The following VWF variants were observed in gnomAD, a reference collection of about 807,000 sequenced individuals.
VWF encodes von Willebrand factor.
Under a neutral mutation model 308.6 loss-of-function variants are expected in VWF, and 176 were observed. The ratio of observed to expected loss-of-function variants is 0.57; its 90% CI spans 0.50 to 0.65. The LOEUF is 0.65. VWF is among the 30% of genes least tolerant of loss of function. The pLI is 0.00. For missense variants in VWF, 3,146 were observed against 3,648.2 expected (o/e 0.86, Z 3.55); for synonymous variants, 1,385 against 1,443.4 (o/e 0.96, Z 0.92).
At chr12:5,962,806 C>G (rs1024829860) in intron 47 of VWF, among the ~76,000 whole-genome samples, 2 of 152,182 alleles carry the variant, frequency 1.3e-5, no homozygotes, top group Admixed American at 1.3e-4. Flanking sequence ...GCCTCAGCCT[C>G]CCAAAGTGCT....
intron 3 of VWF, 35 bp from the exon 4 acceptor site, chr12:6,111,003 A>C: frequency 1.9e-6 from 3 of 1,546,678 alleles, no homozygotes; most frequent in Non-Finnish European, 2.7e-6. Flanking sequence ...AGTGATTATT[A>C]CTCCTCTCAA....
chr12:6,107,296 A>AT (rs1244616379), intron 5 of VWF, among the ~76,000 whole-genome samples: 1 of 152,226 alleles, frequency 6.6e-6, no homozygotes, highest in African/African-American at 2.4e-5. Flanking sequence ...GAGCATGGTG[A>AT]TTTTGAGGGT....
intron 5 of VWF, among the ~76,000 whole-genome samples, chr12:6,096,399 C>G (rs779502633): frequency 2.0e-4 from 30 of 152,208 alleles, no homozygotes; most frequent in Non-Finnish European, 4.1e-4. Context: ...GCACCCCAGC[C>G]TGTATGGGTG....
intron 6 of VWF, among the ~76,000 whole-genome samples, chr12:6,092,620 T>TGAGAGTGAGAGAGAGAGTGA (rs1250915385): frequency 1.1e-5 from 1 of 89,678 alleles, no homozygotes; most frequent in African/African-American, 6.0e-5. Flanking sequence ...TGAGTGAGAG[T>TGAGAGTGAGAGAGAGAGTGA]GTGTGTGTGT....
At chr12:6,083,277 G>C (rs1394457588) in intron 6 of VWF, among the ~76,000 whole-genome samples, 4 of 152,066 alleles carry the variant, frequency 2.6e-5, no homozygotes, top group Non-Finnish European at 5.9e-5. Flanking sequence ...GCCTCCCAAA[G>C]TACTGGGATT....
At chr12:6,009,426 A>AACACAC (rs3062550) in intron 34 of VWF, among the ~76,000 whole-genome samples, 5,504 of 146,566 alleles carry the variant, frequency 0.038, 196 homozygotes, top group East Asian at 0.21. Context: ...GCCATTATCA[A>AACACAC]ACACACACAC....
intron 6 of VWF, among the ~76,000 whole-genome samples, chr12:6,076,110 C>G (rs150322975): frequency 5.3e-5 from 8 of 152,182 alleles, no homozygotes; most frequent in Non-Finnish European, 1.0e-4. Context: ...TTGCTGGGGC[C>G]AGACGGGACC....
intron 42 of VWF, among the ~76,000 whole-genome samples, chr12:5,979,552 C>A (rs1286101131): frequency 6.6e-6 from 1 of 151,428 alleles, no homozygotes; most frequent in Non-Finnish European, 1.5e-5. Flanking sequence ...GAGATTGAGA[C>A]CATCCTGGCC....
Position 6,018,897 on chromosome 12 carries a change from G to T in VWF, c.4521C>A (p.Asp1507Glu). Reference protein sequence around the residue: ...LDVAFVLEGSDKIGEADFNRS... With the variant: ...LDVAFVLEGSEKIGEADFNRS... ...TGTTGAAGTCGGCTTCACCAATTTT[G>T]TCCGATCCTTCCAGGACGAACGCCA... Residue 1507 changes from aspartate (D) to glutamate (E), a missense_variant, in exon 28 of 52, where the codon GAC (aspartate) becomes GAA (glutamate). Around this residue, in one of 3 missense-constraint regions of VWF, gnomAD observed 853 missense variants for 1,177.8 expected, o/e 0.72. Transcript: ENST00000261405. 1 of 1,613,898 alleles carries T rather than the reference G, an allele frequency of 6.2e-7. No homozygotes were observed. Among genetic ancestry groups the T allele is most frequent in the Non-Finnish European group, 8.5e-7 (1 of 1,179,860 alleles).
intron 3 of VWF, among the ~76,000 whole-genome samples, chr12:6,119,136 G>A (rs183051941): frequency 1.3e-4 from 20 of 152,276 alleles, no homozygotes; most frequent in East Asian, 7.7e-4. Flanking sequence ...CACAGCCTGC[G>A]GAATCGACTC....
intron 3 of VWF, among the ~76,000 whole-genome samples, chr12:6,116,440 T>C (rs1015517190): frequency 6.6e-6 from 1 of 152,240 alleles, no homozygotes; most frequent in African/African-American, 2.4e-5. Flanking sequence ...CTAAACACTC[T>C]ACCTTCTATG....
At chr12:6,108,328 A>AATATAT (rs200103341) in intron 5 of VWF, among the ~76,000 whole-genome samples, 1 of 118,476 alleles carries the variant, frequency 8.4e-6, no homozygotes, top group African/African-American at 3.2e-5. Flanking sequence ...GAAAGAAAGA[A>AATATAT]ATATATACAC....
At chr12:6,038,382 A>G (rs556605961) in intron 18 of VWF, among the ~76,000 whole-genome samples, 12 of 152,300 alleles carry the variant, frequency 7.9e-5, no homozygotes, top group Non-Finnish European at 1.5e-4. Context: ...GACTCCAGGA[A>G]ACAGAGCCAG....
At chr12:5,950,850 G>A (rs1238670918) in intron 50 of VWF, among the ~76,000 whole-genome samples, 2 of 152,108 alleles carry the variant, frequency 1.3e-5, no homozygotes, top group Non-Finnish European at 2.9e-5. Context: ...TGCCTAGAGA[G>A]AATTCTTCTT....
intron 34 of VWF, among the ~76,000 whole-genome samples, chr12:6,007,173 G>C (rs961449311): frequency 6.6e-6 from 1 of 152,162 alleles, no homozygotes; most frequent in Admixed American, 6.5e-5. Context: ...AAAAAATCCA[G>C]ATAGAAGATC....
chr12:6,071,270 GA>G (rs1565852080), intron 10 of VWF, 26 bp downstream of exon 10: 1 of 1,613,716 alleles, frequency 6.2e-7, no homozygotes, highest in Non-Finnish European at 8.5e-7. Flanking sequence ...AGGGAAGGAG[GA>G]AGAGAATGAG....
At position 6,058,199 on chromosome 12, in the gene VWF, AG is replaced by A. The variant is rs11313234; in HGVS notation, c.1534-156del. ...AGGCAGCTAAGCCCTAGGCTGCAAA[AG>A]GGGGGGCGGGGGAAAGTGAACTGCA... On this transcript the variant is annotated intron_variant, in intron 13 of 51. Coordinates refer to ENST00000261405, the MANE Select transcript of VWF (RefSeq NM_000552.5). This position sits in a 1 kb window ranked among gnomAD's most constrained non-coding sequence, Gnocchi z 4.9. Among the ~76,000 whole-genome samples the A allele has an allele frequency of 0.084, 12,708 of 152,040 alleles. 597 individuals are homozygous for A. Among genetic ancestry groups the A allele is most frequent in the African/African-American group, 0.12 (5,011 of 41,488 alleles).
At chr12:6,090,019 G>T (rs948323777) in intron 6 of VWF, among the ~76,000 whole-genome samples, 2 of 152,020 alleles carry the variant, frequency 1.3e-5, no homozygotes, top group African/African-American at 4.8e-5. Flanking sequence ...GTGCAGTAGT[G>T]CAATCTCGGC....
In VWF at chr12:5,994,865, G is replaced by T. The variant is rs1943791620; in HGVS notation, c.6064-258C>A. On this transcript the variant is annotated intron_variant, in intron 35 of 51. Transcript: ENST00000261405. ...CATGCACCAAGAACCTAAAAGCCTG[G>T]AGATTAAAAGGAACCTTGAGTCTAT... Among the ~76,000 whole-genome samples, 3 of 152,162 alleles carry T rather than the reference G, an allele frequency of 2.0e-5. No individual in the cohort carries two copies. In the South Asian group the frequency reaches 6.2e-4, roughly 31 times the overall value.
Sources: allele counts gnomAD v4.1 joint callset (sites outside exome capture counted in the v4.1 genomes callset), GRCh38; gene constraint gnomAD v4.1.1; regional missense constraint gnomAD v4.1.1; non-coding constraint Gnocchi (gnomAD v3.1); transcripts MANE v1.5; gene names NCBI Gene and HGNC (gene_info 2026-07-23, HGNC 2026-07-21).